The following BRIP1 variants were observed in gnomAD, a reference collection of about 807,000 sequenced individuals.
The protein encoded by BRIP1 is Fanconi anemia group J protein.
Under a neutral mutation model 119.7 loss-of-function variants are expected in BRIP1, and 88 were observed. That is an observed-to-expected ratio of 0.74 (90% CI 0.62 to 0.88). The LOEUF is 0.88. Among genes scored for constraint, BRIP1 ranks in the 40% least tolerant of loss-of-function variants. The pLI, the probability that BRIP1 is intolerant of heterozygous loss-of-function variation, is 0.00. For missense variants in BRIP1, 1,259 were observed against 1,455.4 expected (o/e 0.87, Z 2.20); for synonymous variants, 443 against 496.5 (o/e 0.89, Z 1.43).
intron 6 of BRIP1, among the ~76,000 whole-genome samples, chr17:61,829,485 A>G (rs2078457090): frequency 1.4e-5 from 2 of 140,628 alleles, no homozygotes; most frequent in Admixed American, 1.5e-4. Context: ...AGTATTCTCT[A>G]ATTAATTTAT....
At chr17:61,838,644 G>A (rs1481057094) in intron 6 of BRIP1, among the ~76,000 whole-genome samples, 1 of 151,416 alleles carries the variant, frequency 6.6e-6, no homozygotes, top group African/African-American at 2.4e-5. Context: ...TGAAGGAACT[G>A]GTTTTCACAA....
Position 61,743,012 on chromosome 17 carries a change from C to T in BRIP1, c.2379+1G>A, listed in dbSNP as rs1555590286. The stretch of plus-strand genomic sequence containing the variant: ...TAAAACTTAAGGTTTTGATGGCCTA[C>T]CTGTAGATCTTTCACATTTGGAAAA... On this transcript the variant is annotated splice_donor_variant, in intron 16 of 19. Coordinates refer to ENST00000259008, the MANE Select transcript of BRIP1 (RefSeq NM_032043.3). LOFTEE classifies it high-confidence loss of function. The surrounding 1 kb of genome is among the most constrained non-coding windows in gnomAD (Gnocchi z 4.3). 1 of 1,613,746 alleles carries T rather than the reference C, an allele frequency of 6.2e-7. No homozygotes were observed. Among genetic ancestry groups the T allele is most frequent in the African/African-American group, 1.3e-5 (1 of 74,890 alleles).
Position 61,689,097 on chromosome 17 carries a change from G to C in BRIP1, c.2576-2932C>G, listed in dbSNP as rs2061407730. Among the ~76,000 whole-genome samples the C allele has an allele frequency of 3.1e-5, 4 of 129,896 alleles. No homozygotes were observed. Among genetic ancestry groups the C allele is most frequent in the Non-Finnish European group, 6.6e-5 (4 of 61,054 alleles). 85.2% of individuals were successfully genotyped at this position (129,896 alleles called of 152,430 possible). ...CTCGCTCTGTCGCCCAGGCTGGAGT[G>C]CAGTGGCGCCATCTCGGCTCACTGA... On this transcript the variant is annotated intron_variant, in intron 18 of 19. Transcript: ENST00000259008. The surrounding 1 kb of genome is among the most constrained non-coding windows in gnomAD (Gnocchi z 4.5).
In BRIP1 at chr17:61,793,752, T is replaced by C. The variant is rs866027463; in HGVS notation, c.1341-23A>G. ...CAACTGAAATAAAATAAAACAATTG[T>C]GTCAACCAGTATCATCCTTACACAC... On this transcript the variant is annotated intron_variant, in intron 9 of 19. Transcript: ENST00000259008. This position sits in a 1 kb window ranked among gnomAD's most constrained non-coding sequence, Gnocchi z 5.2. 3 of 1,602,934 alleles carry C rather than the reference T, an allele frequency of 1.9e-6. No homozygotes were observed. Among genetic ancestry groups the C allele is most frequent in the Middle Eastern group, 3.3e-4 (2 of 6,036 alleles).
intron 17 of BRIP1, among the ~76,000 whole-genome samples, chr17:61,702,950 T>C (rs1436912333): frequency 6.6e-6 from 1 of 151,494 alleles, no homozygotes; most frequent in East Asian, 2.0e-4. Flanking sequence ...CCTTTTTCTC[T>C]GTAACCTTGC....
rs1441174383 is a variant in BRIP1, at chr17:61,807,250, T to G, written c.918+1217A>C. Among the ~76,000 whole-genome samples the G allele has an allele frequency of 6.6e-6, 1 of 152,140 alleles. No homozygotes were observed. Among genetic ancestry groups the G allele is most frequent in the East Asian group, 1.9e-4 (1 of 5,192 alleles). ...ACACCTGACACTTAATACTTTCATC[T>G]CTCCTTGAAGAGAAGTTTTTTAATA... On this transcript the variant is annotated intron_variant, in intron 7 of 19. Transcript: ENST00000259008. The surrounding 1 kb of genome is among the most constrained non-coding windows in gnomAD (Gnocchi z 4.5).
Position 61,706,087 on chromosome 17 carries a change from CCT to C in BRIP1, c.2492+9862_2492+9863del, listed in dbSNP as rs1366411811. Among the ~76,000 whole-genome samples, 8 of 151,810 alleles carry C rather than the reference CCT, an allele frequency of 5.3e-5. No individual in the cohort carries two copies. Among genetic ancestry groups the C allele is most frequent in the Non-Finnish European group, 1.0e-4 (7 of 67,938 alleles). On this transcript the variant is annotated intron_variant, in intron 17 of 19. Transcript: ENST00000259008. The surrounding 1 kb of genome is among the most constrained non-coding windows in gnomAD (Gnocchi z 5.7). ...GTTTTTGCTTCATGTATTTTGAAAC[CCT>C]GTTTTGGGGTGCATACACATTTATG...
chr17:61,686,078 T>A lies in BRIP1; in HGVS notation c.2663A>T (p.His888Leu), dbSNP rs2061359359. The change falls in exon 19 of 20, where the codon CAT becomes CTT. Residue 888 changes from histidine (H) to leucine (L), a missense_variant. Around this residue, in one of 3 missense-constraint regions of BRIP1, gnomAD observed 753 missense variants for 891.8 expected, o/e 0.84. Coordinates refer to ENST00000259008, the MANE Select transcript of BRIP1 (RefSeq NM_032043.3). The surrounding 1 kb of genome is among the most constrained non-coding windows in gnomAD (Gnocchi z 5.4). The part of the protein sequence containing the change: ...LESLAEFSKK[H>L]QKVLNVSIKD... ...TATGGATACATTAAGAACTTTTTGA[T>A]GCTTTTTGGAAAATTCAGCCAAGGA... 6.2e-7 allele frequency: 1 copy of A among 1,614,088 alleles called. No homozygotes were observed.
At position 61,861,212 on chromosome 17, in the gene BRIP1, T is replaced by C. The variant is rs1443091985; in HGVS notation, c.93+235A>G. On this transcript the variant is annotated intron_variant, in intron 2 of 19. Coordinates refer to ENST00000259008, the MANE Select transcript of BRIP1 (RefSeq NM_032043.3). The surrounding 1 kb of genome is among the most constrained non-coding windows in gnomAD (Gnocchi z 4.5). ...GTATAGCAGTTTTTCATTAAAAGTA[T>C]AGAAATTCCAAATGAGCTGAGAACA... is the stretch of plus-strand genomic sequence containing the variant. 6.6e-6 allele frequency among the ~76,000 whole-genome samples: 1 copy of C among 152,214 alleles called. No homozygotes were observed. The highest frequency in any genetic ancestry group is 1.5e-5 in the Non-Finnish European group (1 of 68,038).
At position 61,843,334 on chromosome 17, in the gene BRIP1, GAT is replaced by G; in HGVS notation, c.627+3765_627+3766del. On this transcript the variant is annotated intron_variant, in intron 6 of 19. Transcript: ENST00000259008. This position sits in a 1 kb window ranked among gnomAD's most constrained non-coding sequence, Gnocchi z 5.7. The stretch of plus-strand genomic sequence containing the variant: ...GTTAATAATACTATATTCTAGGCTG[GAT>G]ATTTCGATATTGGCTTTAAAATTTT... Among the ~76,000 whole-genome samples the G allele has an allele frequency of 6.6e-6, 1 of 152,096 alleles. No homozygotes were observed. The highest frequency in any genetic ancestry group is 2.1e-4 in the South Asian group (1 of 4,824).
At position 61,680,485 on chromosome 17, in the gene BRIP1, T is replaced by C. The variant is rs898045562; in HGVS notation, c.*2811A>G. Reference sequence around the variant, plus strand: ...ACCAATTCTAAAGGTAATTTCTTTTTTTTTTTTTTTTTGAGACGGAGTCCC... The same window carrying C: ...ACCAATTCTAAAGGTAATTTCTTTTCTTTTTTTTTTTTGAGACGGAGTCCC... On this transcript the variant is annotated 3_prime_UTR_variant, in exon 20 of 20. Coordinates refer to ENST00000259008, the MANE Select transcript of BRIP1 (RefSeq NM_032043.3). Among the ~76,000 whole-genome samples the C allele has an allele frequency of 1.4e-5, 2 of 143,792 alleles. 1 individual carries two copies. Among genetic ancestry groups the C allele is most frequent in the African/African-American group, 5.2e-5 (2 of 38,542 alleles). The allele number at this position is 143,792 out of a possible 152,430, so 94.3% of individuals were successfully genotyped here.
rs1411275759 is a variant in BRIP1 at position 61,706,236 on chromosome 17, A to C, written c.2492+9715T>G. 1.3e-5 allele frequency among the ~76,000 whole-genome samples: 2 copies of C among 152,078 alleles called. No homozygotes were observed. Among genetic ancestry groups the C allele is most frequent in the Non-Finnish European group, 1.5e-5 (1 of 67,972 alleles). ...ATTATACAGTTACTTGAGCTAGATC[A>C]TTGGTATTTTGAATTCTGGTCTCCT... On this transcript the variant is annotated intron_variant, in intron 17 of 19. Coordinates refer to ENST00000259008, the MANE Select transcript of BRIP1 (RefSeq NM_032043.3). The surrounding 1 kb of genome is among the most constrained non-coding windows in gnomAD (Gnocchi z 5.7).
At position 61,780,547 on chromosome 17, in the gene BRIP1, G is replaced by A; in HGVS notation, c.1795-146C>T. 1 of 775,556 alleles carries A rather than the reference G, an allele frequency of 1.3e-6. No homozygotes were observed. Among genetic ancestry groups the A allele is most frequent in the South Asian group, 1.6e-5 (1 of 62,602 alleles). 48.0% of individuals were successfully genotyped at this position (775,556 alleles called of 1,614,324 possible). ...GTCTGAGACCAGCCTGGGCAATATG[G>A]TGAAACCCCGTCTCTACAAAAAATA... On this transcript the variant is annotated intron_variant, in intron 12 of 19. Transcript: ENST00000259008. The surrounding 1 kb of genome is among the most constrained non-coding windows in gnomAD (Gnocchi z 5.4).
Position 61,861,626 on chromosome 17 carries a change from G to A in BRIP1, c.-30-57C>T. The A allele has an allele frequency of 1.0e-6, 1 of 953,860 alleles. No homozygotes were observed. Among genetic ancestry groups the A allele is most frequent in the Admixed American group, 1.8e-5 (1 of 55,430 alleles). The allele number at this position is 953,860 out of a possible 1,614,324, so 59.1% of individuals were successfully genotyped here. A position where few individuals can be genotyped will look rare whatever the true frequency, so the allele number is the denominator to read the frequency against. On this transcript the variant is annotated intron_variant, in intron 1 of 19. Coordinates refer to ENST00000259008, the MANE Select transcript of BRIP1 (RefSeq NM_032043.3). This position sits in a 1 kb window ranked among gnomAD's most constrained non-coding sequence, Gnocchi z 4.5. ...GACACGCCTTACAAAGAAAACCAGA[G>A]AACCAAAACTAAGGGAGAAATCTGG...
At chr17:61,821,688 C>G (rs2145543444) in intron 6 of BRIP1, among the ~76,000 whole-genome samples, 1 of 152,074 alleles carries the variant, frequency 6.6e-6, no homozygotes, top group East Asian at 1.9e-4. Context: ...TGCTACCACG[C>G]CTGGCTACTT....
Position 61,735,462 on chromosome 17 carries a change from G to A in BRIP1, c.2379+7551C>T, listed in dbSNP as rs2076904393. On this transcript the variant is annotated intron_variant, in intron 16 of 19. Coordinates refer to ENST00000259008, the MANE Select transcript of BRIP1 (RefSeq NM_032043.3). The surrounding 1 kb of genome is among the most constrained non-coding windows in gnomAD (Gnocchi z 4.4). The stretch of plus-strand genomic sequence containing the variant: ...AGGGGGCTTGTGAAAAGGCCACATG[G>A]CAAGAAACTGTGAATAGCTTCTTGA... 6.6e-6 allele frequency among the ~76,000 whole-genome samples: 1 copy of A among 152,100 alleles called. No homozygotes were observed. The highest frequency in any genetic ancestry group is 2.4e-5 in the African/African-American group (1 of 41,422).
intron 6 of BRIP1, among the ~76,000 whole-genome samples, chr17:61,840,965 C>G (rs1038416319): frequency 1.3e-5 from 2 of 151,998 alleles, no homozygotes; most frequent in Non-Finnish European, 2.9e-5. Flanking sequence ...GAACACATAT[C>G]GGGGAAAGGA....
At position 61,775,301 on chromosome 17, in the gene BRIP1, G is replaced by GT. The variant is rs2077516343; in HGVS notation, c.2097+1099dup. On this transcript the variant is annotated intron_variant, in intron 14 of 19. Transcript: ENST00000259008. This position sits in a 1 kb window ranked among gnomAD's most constrained non-coding sequence, Gnocchi z 4.4. The stretch of plus-strand genomic sequence containing the variant: ...TGTAAAAAATTATCTGATTAAATAT[G>GT]TTTTTGAAAACAAATCCTTTAATTT... 6.6e-6 allele frequency among the ~76,000 whole-genome samples: 1 copy of GT among 152,098 alleles called. No homozygotes were observed. Among genetic ancestry groups the GT allele is most frequent in the African/African-American group, 2.4e-5 (1 of 41,428 alleles).
rs2144075371 is a variant in BRIP1, at chr17:61,683,591, G to A, written c.3455C>T (p.Thr1152Ile). 1 of 1,612,282 alleles carries A rather than the reference G, an allele frequency of 6.2e-7. No individual in the cohort carries two copies. The highest frequency in any genetic ancestry group is 8.5e-7 in the Non-Finnish European group (1 of 1,179,880). The stretch of plus-strand genomic sequence containing the variant: ...GTTAGCCAATCTATTTCCTCTATCA[G>A]TTTCAGCTAGGTCATTTTTTTCTTC... ...TDEEKNDLAETDRGNRLANNS... is the reference protein window; with the variant it reads ...TDEEKNDLAEIDRGNRLANNS... The change falls in exon 20 of 20, where the codon ACT becomes ATT. Residue 1152 changes from threonine (T) to isoleucine (I), a missense_variant. Coordinates refer to ENST00000259008, the MANE Select transcript of BRIP1 (RefSeq NM_032043.3). This position sits in a 1 kb window ranked among gnomAD's most constrained non-coding sequence, Gnocchi z 4.7.
Sources: gnomAD v4.1 joint callset for allele counts (sites outside exome capture counted in the v4.1 genomes callset) on GRCh38, gnomAD v4.1.1 for gene constraint, gnomAD v4.1.1 regional missense constraint, Gnocchi (gnomAD v3.1) non-coding constraint, MANE v1.5 for transcripts, NCBI Gene and HGNC (gene_info 2026-07-23, HGNC 2026-07-21) for gene names.